The following SMPDL3B variants were observed in gnomAD, a reference collection of about 807,000 sequenced individuals.
SMPDL3B encodes sphingomyelin phosphodiesterase acid like 3B, also known as acid sphingomyelinase-like phosphodiesterase 3b.
SMPDL3B carries 31 observed loss-of-function variants against 37.9 expected under a neutral mutation model. That is an observed-to-expected ratio of 0.82 (90% CI 0.61 to 1.10). The LOEUF is 1.10. Among genes scored for constraint, SMPDL3B ranks in the 50% least tolerant of loss-of-function variants. SMPDL3B has a pLI of 0.00. For missense variants in SMPDL3B, 525 were observed against 597.8 expected (o/e 0.88, Z 1.27); for synonymous variants, 235 against 242.6 (o/e 0.97, Z 0.29).
chr1:27,948,951 G>A (rs985415340), intron 2 of SMPDL3B, 114 bp from the exon 3 acceptor site: 15 of 1,556,660 alleles, frequency 9.6e-6, no homozygotes, highest in Non-Finnish European at 1.3e-5. Flanking sequence ...CCCCTCAAGG[G>A]GACATCTGAG....
chr1:27,945,508 C>T lies in SMPDL3B; in HGVS notation c.275+63C>T. 1 of 1,339,520 alleles carries T rather than the reference C, an allele frequency of 7.5e-7. No individual in the cohort carries two copies. The highest frequency in any genetic ancestry group is 1.1e-6 in the Non-Finnish European group (1 of 939,562). 83.0% of individuals were successfully genotyped at this position (1,339,520 alleles called of 1,614,324 possible). A position where few individuals can be genotyped will look rare whatever the true frequency, so the allele number is the denominator to read the frequency against. ...CATCTGCTATGTGCTACATACCAGT[C>T]TGGCCCTTTGCCCACATTATCTCCC... On this transcript the variant is annotated intron_variant, in intron 2 of 7. Transcript: ENST00000373894. The surrounding 1 kb of genome is among the most constrained non-coding windows in gnomAD (Gnocchi z 4.0).
rs963412456 is a variant in SMPDL3B, at chr1:27,959,038, C to G, written c.*200C>G. The G allele has an allele frequency of 9.8e-6, 6 of 613,024 alleles. No individual in the cohort carries two copies. The highest frequency in any genetic ancestry group is 1.7e-5 in the Non-Finnish European group (6 of 360,876). The allele number at this position is 613,024 out of a possible 1,614,324, so 38.0% of individuals were successfully genotyped here. On this transcript the variant is annotated 3_prime_UTR_variant, in exon 8 of 8. Transcript: ENST00000373894. The stretch of plus-strand genomic sequence containing the variant: ...CCAGCCTGGGTGACAAAGCCAGACT[C>G]TCTCCAAAAACAAACCAGAAACAGA...
intron 1 of SMPDL3B, among the ~76,000 whole-genome samples, chr1:27,940,688 C>T (rs1417443924): frequency 6.6e-6 from 1 of 152,094 alleles, no homozygotes; most frequent in Non-Finnish European, 1.5e-5. Flanking sequence ...GATTGGTGTA[C>T]CTTTCTATAA....
rs751908684 is a variant in SMPDL3B at position 27,945,336 on chromosome 1, G to C, written c.166G>C (p.Ala56Pro). 1.9e-6 allele frequency: 3 copies of C among 1,614,000 alleles called. No individual in the cohort carries two copies. The highest frequency in any genetic ancestry group is 1.6e-4 in the Middle Eastern group (1 of 6,084). Residue 56 changes from alanine (A) to proline (P), a missense_variant, in exon 2 of 8, where the codon GCA becomes CCA. Ala to Pro is a conservative substitution (Grantham distance 27, BLOSUM62 -1). Transcript: ENST00000373894. The surrounding 1 kb of genome is among the most constrained non-coding windows in gnomAD (Gnocchi z 4.0). ...AGCTGGATCCCAGCCAGTGCCCGAC[G>C]CAGGCCCCTGGGGTGACTACCTCTG... ...PSAGSQPVPD[A>P]GPWGDYLCDS... is the part of the protein sequence containing the mutation.
In SMPDL3B at chr1:27,945,812, G is replaced by A. The variant is rs530282091; in HGVS notation, c.275+367G>A. ...TCTAAGTCTGAGAGGTCCAAGTGCA[G>A]GGAGGGAAGAAGTTATGAGGGCTGA... is the stretch of plus-strand genomic sequence containing the variant. On this transcript the variant is annotated intron_variant, in intron 2 of 7. Transcript: ENST00000373894. This position sits in a 1 kb window ranked among gnomAD's most constrained non-coding sequence, Gnocchi z 4.0. 6.6e-6 allele frequency among the ~76,000 whole-genome samples: 1 copy of A among 152,272 alleles called. No individual in the cohort carries two copies. The highest frequency in any genetic ancestry group is 1.9e-4 in the East Asian group (1 of 5,186).
rs370072516 is a variant in SMPDL3B, at chr1:27,955,872, A to G, written c.871+8A>G. 4.2e-4 allele frequency: 673 copies of G among 1,612,008 alleles called. No homozygotes were observed. The highest frequency in any genetic ancestry group is 5.3e-4 in the Non-Finnish European group (624 of 1,178,386). On this transcript the variant is annotated splice_region_variant and intron_variant, in intron 6 of 7. Transcript: ENST00000373894. ...TGCTCTATGATGATGCAGGTATTCA[A>G]CCTGGAGGGCAACTGCCAGCTCCCT...
At chr1:27,938,707 A>G (rs2090329481) in intron 1 of SMPDL3B, among the ~76,000 whole-genome samples, 1 of 152,264 alleles carries the variant, frequency 6.6e-6, no homozygotes, top group Admixed American at 6.5e-5. Context: ...TCGAGAAGCC[A>G]TACAACCACT....
At chr1:27,948,036 C>T (rs1208021464) in intron 2 of SMPDL3B, among the ~76,000 whole-genome samples, 1 of 152,106 alleles carries the variant, frequency 6.6e-6, no homozygotes, top group Non-Finnish European at 1.5e-5. Context: ...ATCAGAGACA[C>T]TATAGGATGC....
In SMPDL3B at chr1:27,945,293, C is replaced by T. The variant is rs141404787; in HGVS notation, c.123C>T (p.Pro41=). Residue 41 remains proline (P), a synonymous_variant, in exon 2 of 8, where the codon CCC becomes CCT. Transcript: ENST00000373894. The surrounding 1 kb of genome is among the most constrained non-coding windows in gnomAD (Gnocchi z 4.0). ...LDPDYKVSKD[P]FQVCPSAGSQ... is the part of the protein sequence containing the mutation. ...CTGACTACAAGGTATCCAAAGACCC[C>T]TTCCAGGTGTGCCCATCAGCTGGAT... is the stretch of plus-strand genomic sequence containing the variant. The T allele has an allele frequency of 0.025, 40,320 of 1,614,162 alleles. 673 individuals carry two copies. Among genetic ancestry groups the T allele is most frequent in the Middle Eastern group, 0.04 (244 of 6,062 alleles).
At chr1:27,952,274 T>C (rs1181580320) in intron 3 of SMPDL3B, among the ~76,000 whole-genome samples, 1 of 152,172 alleles carries the variant, frequency 6.6e-6, no homozygotes, top group African/African-American at 2.4e-5. Flanking sequence ...CCTCCTACTT[T>C]GGCAGAGTTC....
At chr1:27,936,278 C>T (rs2090307381) in intron 1 of SMPDL3B, among the ~76,000 whole-genome samples, 1 of 151,444 alleles carries the variant, frequency 6.6e-6, no homozygotes, top group African/African-American at 2.4e-5. Flanking sequence ...ATAGCAAAAC[C>T]CTGACTCTAC....
In SMPDL3B at chr1:27,955,740, A is replaced by C. The variant is rs1327495818; in HGVS notation, c.747A>C (p.Ala249=). The C allele has an allele frequency of 6.2e-7, 1 of 1,614,128 alleles. No homozygotes were observed. Among genetic ancestry groups the C allele is most frequent in the Admixed American group, 1.7e-5 (1 of 60,026 alleles). Residue 249 remains alanine, a synonymous_variant, in exon 6 of 8, where the codon GCA becomes GCC. Transcript: ENST00000373894. The part of the protein sequence containing the change: ...PGFFEKTQNK[A]WFREGFNEKY... ...TCTTTGAGAAGACGCAAAACAAGGC[A>C]TGGTTCCGGGAGGGCTTCAATGAAA...
chr1:27,946,910 G>C (rs188603298), intron 2 of SMPDL3B, among the ~76,000 whole-genome samples: 174 of 152,322 alleles, frequency 1.1e-3, no homozygotes, highest in African/African-American at 3.9e-3. Flanking sequence ...AAGAGAGTGA[G>C]ATTTGGTCCA....
At chr1:27,954,068 G>T (rs1380329206) in intron 4 of SMPDL3B, among the ~76,000 whole-genome samples, 1 of 152,236 alleles carries the variant, frequency 6.6e-6, no homozygotes, top group African/African-American at 2.4e-5. Context: ...ATCTGGATGG[G>T]CAAACACACA....
intron 3 of SMPDL3B, 121 bp downstream of exon 3, chr1:27,949,283 G>C (rs1355557544): frequency 2.0e-6 from 2 of 1,007,274 alleles, no homozygotes; most frequent in Admixed American, 4.0e-5. Flanking sequence ...AGCGATGGCT[G>C]TTGGCCAGGT....
intron 4 of SMPDL3B, among the ~76,000 whole-genome samples, chr1:27,953,594 C>T (rs2090473216): frequency 6.6e-6 from 1 of 152,170 alleles, no homozygotes; most frequent in Non-Finnish European, 1.5e-5. Context: ...ATTTATTGAG[C>T]CTTTACTGTG....
intron 3 of SMPDL3B, among the ~76,000 whole-genome samples, chr1:27,950,850 A>C (rs2090450422): frequency 6.6e-6 from 1 of 152,140 alleles, no homozygotes; most frequent in African/African-American, 2.4e-5. Flanking sequence ...GGCTGGTCTC[A>C]AAGTCCTGAC....
At chr1:27,955,888 C>T (rs1334612094) in intron 6 of SMPDL3B, 24 bp downstream of exon 6, 3 of 1,611,614 alleles carry the variant, frequency 1.9e-6, no homozygotes, top group Non-Finnish European at 2.5e-6. Flanking sequence ...AGGGCAACTG[C>T]CAGCTCCCTC....
Position 27,949,123 on chromosome 1 carries a change from G to A in SMPDL3B, c.334G>A (p.Val112Met). 1 of 1,614,230 alleles carries A rather than the reference G, an allele frequency of 6.2e-7. No homozygotes were observed. Among genetic ancestry groups the A allele is most frequent in the Non-Finnish European group, 8.5e-7 (1 of 1,180,028 alleles). Residue 112 changes from valine (V) to methionine (M), a missense_variant, in exon 3 of 8, where the codon GTG (valine) becomes ATG (methionine). Val to Met is a conservative substitution (Grantham distance 21, BLOSUM62 1). Coordinates refer to ENST00000373894, the MANE Select transcript of SMPDL3B (RefSeq NM_014474.4). The stretch of plus-strand genomic sequence containing the variant: ...GGGAGAGGCAGCTGTACTGGAAATT[G>A]TGGAACGCCTGACCAAGCTCATCAG... ...KLGEAAVLEIVERLTKLIREV... is the reference protein window; with the variant it reads ...KLGEAAVLEIMERLTKLIREV...
Sources: gnomAD v4.1 joint callset for allele counts (sites outside exome capture counted in the v4.1 genomes callset) on GRCh38, gnomAD v4.1.1 for gene constraint, Gnocchi (gnomAD v3.1) non-coding constraint, MANE v1.5 for transcripts, NCBI Gene and HGNC (gene_info 2026-07-23, HGNC 2026-07-21) for gene names.